The following SPEG variants were observed in gnomAD, a reference collection of about 807,000 sequenced individuals.
The protein encoded by SPEG is striated muscle enriched protein kinase, also known as striated muscle preferentially expressed protein kinase.
Under a neutral mutation model 300.4 loss-of-function variants are expected in SPEG, and 114 were observed. The observed-to-expected ratio is 0.38, with a 90% CI of 0.33 to 0.44. SPEG has a LOEUF of 0.44. Ranked by LOEUF, SPEG falls within the 20% of genes least tolerant of loss-of-function variation. The pLI, the probability that SPEG is intolerant of heterozygous loss-of-function variation, is 1.00. For synonymous variants in SPEG, 1,964 were observed against 2,018.9 expected, an observed-to-expected ratio of 0.97 and a Z score of 0.73; for missense variants, 4,201 against 4,586.2, an observed-to-expected ratio of 0.92 and a Z score of 2.43.
In SPEG at chr2:219,472,878, C is replaced by G; in HGVS notation, c.3941-12C>G. On this transcript the variant is annotated splice_polypyrimidine_tract_variant and intron_variant, in intron 15 of 40. Transcript: ENST00000312358. The stretch of plus-strand genomic sequence containing the variant: ...CTGCAACAGCAGCCTCTAGTAGCTC[C>G]TCTCCCGCCAGACCCGGACTCCCTG... 1 of 1,563,566 alleles carries G rather than the reference C, an allele frequency of 6.4e-7. No homozygotes were observed. The highest frequency in any genetic ancestry group is 2.3e-5 in the East Asian group (1 of 44,180).
Position 219,483,856 on chromosome 2 carries a change from C to A in SPEG, c.6393C>A (p.Phe2131Leu), listed in dbSNP as rs373080805. Reference protein sequence around the residue: ...ENRGLQKSSSFSQGEAEPRGR... With the variant: ...ENRGLQKSSSLSQGEAEPRGR... ...GGGGCCTGCAAAAGAGCAGCAGCTT[C>A]TCCCAGGGTGAGGCGGAGCCCCGGG... Residue 2131 changes from phenylalanine (F) to leucine (L), a missense_variant, in exon 30 of 41, where the codon TTC (phenylalanine) becomes TTA (leucine). Physicochemically the swap from Phe to Leu is conservative, Grantham distance 22. This residue lies in a region of SPEG where 1,578 missense variants were observed against 1,506.0 expected (regional missense o/e 1.05). Transcript: ENST00000312358. 73 of 1,593,562 alleles carry A rather than the reference C, an allele frequency of 4.6e-5. No homozygotes were observed. Among genetic ancestry groups the A allele is most frequent in the Non-Finnish European group, 6.0e-5 (70 of 1,175,498 alleles).
rs528789179 is a variant in SPEG at position 219,436,858 on chromosome 2, C to G, written c.388+1493C>G. ...ACTCCTTGGGGATCTCAGCTCTGGTCCCCCCAGGGGCAAAGAGGGCTGAAA... is the reference window on the plus strand; with the variant it reads ...ACTCCTTGGGGATCTCAGCTCTGGTGCCCCCAGGGGCAAAGAGGGCTGAAA... On this transcript the variant is annotated intron_variant, in intron 1 of 40. Coordinates refer to ENST00000312358, the MANE Select transcript of SPEG (RefSeq NM_005876.5). 2.6e-5 allele frequency among the ~76,000 whole-genome samples: 4 copies of G among 152,074 alleles called. No individual in the cohort carries two copies. The East Asian group carries it at 7.7e-4, about 29-fold the overall frequency.
At position 219,490,934 on chromosome 2, in the gene SPEG, C is replaced by T. The variant is rs1264314968; in HGVS notation, c.9363C>T (p.Arg3121=). 1.9e-6 allele frequency: 3 copies of T among 1,613,106 alleles called. No individual in the cohort carries two copies. The highest frequency in any genetic ancestry group is 2.5e-6 in the Non-Finnish European group (3 of 1,179,798). ...NPQALRPLGH[R]TGTLEFMAPE... ...AGGCCCTTAGGCCCCTTGGCCACCG[C>T]ACGGGCACGCTGGAGTTCATGGGTG... is the stretch of plus-strand genomic sequence containing the variant. Residue 3121 remains arginine, a synonymous_variant, in exon 38 of 41, where the codon CGC becomes CGT. Coordinates refer to ENST00000312358, the MANE Select transcript of SPEG (RefSeq NM_005876.5).
In SPEG at chr2:219,451,070, T is replaced by C; in HGVS notation, c.2114-66T>C. ...TTTCTAGGATGCAGGCCACCAGGAC[T>C]CTCTCTCCCGCTGTCATCCCTGCAG... On this transcript the variant is annotated intron_variant, in intron 4 of 40. Coordinates refer to ENST00000312358, the MANE Select transcript of SPEG (RefSeq NM_005876.5). This position sits in a 1 kb window ranked among gnomAD's most constrained non-coding sequence, Gnocchi z 6.4. The C allele has an allele frequency of 1.4e-6, 2 of 1,448,534 alleles. No individual in the cohort carries two copies. The highest frequency in any genetic ancestry group is 1.9e-4 in the Middle Eastern group (1 of 5,380). The allele number at this position is 1,448,534 out of a possible 1,614,324, so 89.7% of individuals were successfully genotyped here. A position where few individuals can be genotyped will look rare whatever the true frequency, so the allele number is the denominator to read the frequency against.
In SPEG at chr2:219,445,209, T is replaced by C; in HGVS notation, c.815+48T>C. The C allele has an allele frequency of 6.7e-7, 1 of 1,494,396 alleles. No homozygotes were observed. Among genetic ancestry groups the C allele is most frequent in the Non-Finnish European group, 9.1e-7 (1 of 1,096,528 alleles). 92.6% of individuals were successfully genotyped at this position (1,494,396 alleles called of 1,614,324 possible). On this transcript the variant is annotated intron_variant, in intron 3 of 40. Transcript: ENST00000312358. The surrounding 1 kb of genome is among the most constrained non-coding windows in gnomAD (Gnocchi z 6.1). ...CCTGAACTGCCCCATCTCACCACGC[T>C]GTCCTGCGCTGCCCTCACTGCTCAG...
chr2:219,447,842 G>GGT, intron 3 of SPEG, 132 bp from the exon 4 acceptor site: 3 of 799,876 alleles, frequency 3.8e-6, no homozygotes, highest in Non-Finnish European at 5.9e-6. Flanking sequence ...TGGGGGTGGG[G>GGT]GGCAGGAGGA....
In SPEG at chr2:219,467,358, CAAATGCAAGCTGCT is replaced by C; in HGVS notation, c.3068_3081del (p.Lys1023ThrfsTer6). ...AATGCAAGATGCATTTCGATGGCCG[CAAATGCAAGCTGCT>C]ACTTACATCTGTACATGAGGACGAC... is the stretch of plus-strand genomic sequence containing the variant. On this transcript the variant is annotated frameshift_variant, in exon 10 of 41. Coordinates refer to ENST00000312358, the MANE Select transcript of SPEG (RefSeq NM_005876.5). LOFTEE classifies it high-confidence loss of function. The C allele has an allele frequency of 6.2e-7, 1 of 1,612,476 alleles. No homozygotes were observed. Among genetic ancestry groups the C allele is most frequent in the Non-Finnish European group, 8.5e-7 (1 of 1,179,990 alleles).
intron 1 of SPEG, among the ~76,000 whole-genome samples, chr2:219,440,111 G>A (rs1575031677): frequency 1.3e-5 from 2 of 152,220 alleles, no homozygotes; most frequent in Admixed American, 6.5e-5. Flanking sequence ...AGCCAGGTGC[G>A]GTGGCTCATG....
Position 219,451,097 on chromosome 2 carries a change from G to C in SPEG, c.2114-39G>C, listed in dbSNP as rs1325700121. 2 of 1,572,872 alleles carry C rather than the reference G, an allele frequency of 1.3e-6. No homozygotes were observed. Among genetic ancestry groups the C allele is most frequent in the Non-Finnish European group, 1.7e-6 (2 of 1,161,484 alleles). On this transcript the variant is annotated intron_variant, in intron 4 of 40. Transcript: ENST00000312358. This position sits in a 1 kb window ranked among gnomAD's most constrained non-coding sequence, Gnocchi z 6.4. The stretch of plus-strand genomic sequence containing the variant: ...TCTCTCCCGCTGTCATCCCTGCAGG[G>C]ATCATGGCCCCTTACCCCGTTATTC...
intron 6 of SPEG, 117 bp from the exon 7 acceptor site, chr2:219,461,765 G>A: frequency 1.8e-6 from 2 of 1,138,282 alleles, no homozygotes; most frequent in African/African-American, 1.6e-5. Flanking sequence ...TGAAGTCAGG[G>A]CAGGGCCGGC....
Position 219,464,936 on chromosome 2 carries a change from A to C in SPEG, c.2881+328A>C, listed in dbSNP as rs1575108765. ...CTCTACACTCTTCTGAGCCTTTGTC[A>C]CCCTGCTCTGCCCAGGACCCTCCCT... is the stretch of plus-strand genomic sequence containing the variant. On this transcript the variant is annotated intron_variant, in intron 9 of 40. Transcript: ENST00000312358. This position sits in a 1 kb window ranked among gnomAD's most constrained non-coding sequence, Gnocchi z 4.5. 3.7e-6 allele frequency: 1 copy of C among 271,576 alleles called. No individual in the cohort carries two copies. Among genetic ancestry groups the C allele is most frequent in the Non-Finnish European group, 7.0e-6 (1 of 142,356 alleles). 16.8% of individuals were successfully genotyped at this position (271,576 alleles called of 1,614,324 possible).
At position 219,489,134 on chromosome 2, in the gene SPEG, G is replaced by A. The variant is rs748716131; in HGVS notation, c.8230G>A (p.Val2744Met). 6.2e-7 allele frequency: 1 copy of A among 1,614,006 alleles called. No homozygotes were observed. The highest frequency in any genetic ancestry group is 1.1e-5 in the South Asian group (1 of 91,088). ...GACCCACCTGCCAGTTGGCGTGACT[G>A]TGAGGTTCCGTGTGGCCTGTGCCAA... ...NVTHLPVGVTVRFRVACANRA... is the reference protein window; with the variant it reads ...NVTHLPVGVTMRFRVACANRA... Residue 2744 changes from valine (V) to methionine (M), a missense_variant, in exon 35 of 41, where the codon GTG becomes ATG. Coordinates refer to ENST00000312358, the MANE Select transcript of SPEG (RefSeq NM_005876.5).
chr2:219,450,952 T>C, intron 4 of SPEG, 184 bp from the exon 5 acceptor site: 1 of 604,130 alleles, frequency 1.7e-6, no homozygotes. Context: ...GAATGCTCCT[T>C]CTGACTTCCT....
chr2:219,448,429 T>C lies in SPEG; in HGVS notation c.1271T>C (p.Leu424Pro). The C allele has an allele frequency of 6.6e-7, 1 of 1,519,530 alleles. No homozygotes were observed. The highest frequency in any genetic ancestry group is 8.8e-7 in the Non-Finnish European group (1 of 1,140,420). 94.1% of individuals were successfully genotyped at this position (1,519,530 alleles called of 1,614,324 possible). ...LERSDSPPAP[L>P]RPWVPLRKAR... The stretch of plus-strand genomic sequence containing the variant: ...CGCAGCGACTCGCCGCCGGCGCCCC[T>C]GCGGCCCTGGGTGCCCCTGCGCAAG... The change falls in exon 4 of 41, where the codon CTG (leucine) becomes CCG (proline). Residue 424 changes from leucine to proline, a missense_variant. Leu to Pro is a moderately conservative substitution (Grantham distance 98). This residue lies in a region of SPEG where 1,258 missense variants were observed against 1,293.9 expected (regional missense o/e 0.97). Coordinates refer to ENST00000312358, the MANE Select transcript of SPEG (RefSeq NM_005876.5).
At chr2:219,488,725 G>T (rs2125587781) in intron 33 of SPEG, 53 bp from the exon 34 acceptor site, 1 of 1,611,378 alleles carries the variant, frequency 6.2e-7, no homozygotes. Flanking sequence ...AGGGCTTGAG[G>T]GGTTCTTAGC....
rs138940379 is a variant in SPEG at position 219,479,706 on chromosome 2, G to A, written c.5086-77G>A. On this transcript the variant is annotated intron_variant, in intron 23 of 40. Coordinates refer to ENST00000312358, the MANE Select transcript of SPEG (RefSeq NM_005876.5). The surrounding 1 kb of genome is among the most constrained non-coding windows in gnomAD (Gnocchi z 5.5). ...TGAAGGCTACTCCACAGGCACAGCC[G>A]GACCGCTTGCCGCCCTGGAGGTGTT... The A allele has an allele frequency of 7.1e-5, 98 of 1,376,576 alleles. No individual in the cohort carries two copies. In the African/African-American group the frequency reaches 1.1e-3, roughly 16 times the overall value. The allele number at this position is 1,376,576 out of a possible 1,614,324, so 85.3% of individuals were successfully genotyped here.
intron 3 of SPEG, among the ~76,000 whole-genome samples, chr2:219,446,947 G>A (rs929648962): frequency 6.8e-6 from 1 of 147,926 alleles, no homozygotes; most frequent in Admixed American, 6.7e-5. Context: ...TCTCTCTGAT[G>A]TGTCAGGTAT....
At position 219,485,446 on chromosome 2, in the gene SPEG, G is replaced by A. The variant is rs377520775; in HGVS notation, c.7710G>A (p.Glu2570=). 9.4e-6 allele frequency: 15 copies of A among 1,601,684 alleles called. No homozygotes were observed. Among genetic ancestry groups the A allele is most frequent in the African/African-American group, 2.7e-5 (2 of 74,344 alleles). Residue 2570 remains glutamate, a synonymous_variant, in exon 31 of 41, where the codon GAG becomes GAA. Coordinates refer to ENST00000312358, the MANE Select transcript of SPEG (RefSeq NM_005876.5). ...ACCTCTCTGCCAGCGTCCAGGAGGA[G>A]TTGGGTCACCAGTACGTGCGCAGTG... ...PPNLSASVQE[E]LGHQYVRSES...
At chr2:219,478,126 G>A in intron 22 of SPEG, 21 bp downstream of exon 22, 1 of 1,602,052 alleles carries the variant, frequency 6.2e-7, no homozygotes, top group South Asian at 1.1e-5. Context: ...ACAGGCTGGG[G>A]GCTAGGGGGA....
Sources: gnomAD v4.1 joint callset for allele counts (sites outside exome capture counted in the v4.1 genomes callset) on GRCh38, gnomAD v4.1.1 for gene constraint, gnomAD v4.1.1 regional missense constraint, Gnocchi (gnomAD v3.1) non-coding constraint, MANE v1.5 for transcripts, NCBI Gene and HGNC (gene_info 2026-07-23, HGNC 2026-07-21) for gene names.